STAU2: variants seen among roughly 807,000 people sequenced by gnomAD.
STAU2 encodes the protein staufen double-stranded RNA binding protein 2.
A neutral mutation model predicts 65.9 loss-of-function variants in STAU2; 20 were observed. That is an observed-to-expected ratio of 0.30 (90% CI 0.21 to 0.44). The LOEUF (loss-of-function observed/expected upper bound fraction) is 0.44, where lower values mean the gene tolerates loss of function less well. STAU2 is among the 20% of genes least tolerant of loss of function. The probability of loss-of-function intolerance (pLI) is 1.00; values close to 1 mark genes in which losing one functional copy is unlikely to be tolerated. For synonymous variants in STAU2, 232 were observed against 233.9 expected, an observed-to-expected ratio of 0.99 and a Z score of 0.07; for missense variants, 558 against 683.9, an observed-to-expected ratio of 0.82 and a Z score of 2.05.
At chr8:73,547,908 T>TG (rs950653885) in intron 13 of STAU2, among the ~76,000 whole-genome samples, 12 of 152,026 alleles carry the variant, frequency 7.9e-5, no homozygotes, top group Middle Eastern at 3.4e-3. Flanking sequence ...AAAAAAGAAT[T>TG]GAAAAAAAAC....
At chr8:73,725,320 G>T (rs2130725985) in intron 3 of STAU2, among the ~76,000 whole-genome samples, 1 of 152,232 alleles carries the variant, frequency 6.6e-6, no homozygotes, top group South Asian at 2.1e-4. Context: ...TATAGGAATT[G>T]TTCTAAAACA....
chr8:73,572,594 C>T (rs1809188863), intron 12 of STAU2, among the ~76,000 whole-genome samples: 2 of 152,284 alleles, frequency 1.3e-5, no homozygotes, highest in Admixed American at 1.3e-4. Context: ...GCTGGTTCAA[C>T]AAATGCAAAT....
At chr8:73,479,077 A>T (rs1031613644) in intron 13 of STAU2, among the ~76,000 whole-genome samples, 9 of 152,034 alleles carry the variant, frequency 5.9e-5, no homozygotes, top group African/African-American at 2.2e-4. Flanking sequence ...ATTCTGTTTC[A>T]TCTATACCTT....
chr8:73,436,804 C>G (rs1203427567), intron 13 of STAU2, among the ~76,000 whole-genome samples: 1 of 151,960 alleles, frequency 6.6e-6, no homozygotes, highest in Non-Finnish European at 1.5e-5. Context: ...CCGGGCTGGT[C>G]TCAAACTCCT....
chr8:73,716,164 C>A (rs1385759909), intron 3 of STAU2, among the ~76,000 whole-genome samples: 1 of 151,710 alleles, frequency 6.6e-6, no homozygotes, highest in African/African-American at 2.4e-5. Flanking sequence ...TCTTGGCTCA[C>A]TGCAAGCTCC....
At chr8:73,693,433 C>A (rs1819493861) in intron 4 of STAU2, among the ~76,000 whole-genome samples, 1 of 150,332 alleles carries the variant, frequency 6.7e-6, no homozygotes, top group Non-Finnish European at 1.5e-5. Context: ...CAAGACAGCG[C>A]CACTGCAGTC....
At chr8:73,468,483 C>T (rs1214605125) in intron 13 of STAU2, among the ~76,000 whole-genome samples, 1 of 152,144 alleles carries the variant, frequency 6.6e-6, no homozygotes, top group Non-Finnish European at 1.5e-5. Flanking sequence ...AGAGCTTCTG[C>T]ACAGCAAAAG....
At chr8:73,746,757 C>T (rs903787427) in intron 1 of STAU2, 26 bp downstream of exon 1, 1 of 1,215,170 alleles carries the variant, frequency 8.2e-7, no homozygotes, top group Non-Finnish European at 1.0e-6. Context: ...CGGGGTCTCC[C>T]GGACGCCCCC....
chr8:73,611,230 T>C (rs1258772807), intron 9 of STAU2, among the ~76,000 whole-genome samples: 1 of 152,240 alleles, frequency 6.6e-6, no homozygotes, highest in Non-Finnish European at 1.5e-5. Context: ...TAAAATTATC[T>C]AGATTCCAAC....
intron 13 of STAU2, chr8:73,440,613 C>G (rs1453483757): frequency 2.0e-5 from 3 of 152,292 alleles, no homozygotes; most frequent in East Asian, 1.9e-4. Context: ...CTGTCAGTCT[C>G]TCCCAGAGAC....
chr8:73,433,083 G>A (rs1272355985), intron 13 of STAU2, among the ~76,000 whole-genome samples: 1 of 152,210 alleles, frequency 6.6e-6, no homozygotes, highest in Non-Finnish European at 1.5e-5. Flanking sequence ...AGGAGTAACT[G>A]CACAGAATGT....
At chr8:73,728,590 T>C (rs932726182) in intron 3 of STAU2, among the ~76,000 whole-genome samples, 5 of 152,224 alleles carry the variant, frequency 3.3e-5, no homozygotes, top group African/African-American at 1.2e-4. Flanking sequence ...AAAATGTCTT[T>C]CCACTTATTT....
chr8:73,426,064 A>G, intron 13 of STAU2, among the ~76,000 whole-genome samples: 1 of 152,168 alleles, frequency 6.6e-6, no homozygotes, highest in African/African-American at 2.4e-5. Flanking sequence ...AAGTATTGGG[A>G]TTACAGGCAT....
chr8:73,430,718 C>A (rs1817206739), intron 13 of STAU2, among the ~76,000 whole-genome samples: 1 of 152,200 alleles, frequency 6.6e-6, no homozygotes, highest in Admixed American at 6.5e-5. Flanking sequence ...TACATACCTC[C>A]AAACCTGTTC....
chr8:73,746,925 C>G (rs1807334869), upstream of STAU2: 1 of 961,922 alleles, frequency 1.0e-6, no homozygotes, highest in Non-Finnish European at 1.2e-6. Context: ...CCCCGGCGCT[C>G]CCGCCGCGCC....
intron 10 of STAU2, among the ~76,000 whole-genome samples, chr8:73,601,176 C>A (rs1811607332): frequency 1.3e-5 from 2 of 152,144 alleles, no homozygotes; most frequent in Admixed American, 1.3e-4. Context: ...TCACATGAAT[C>A]AAATCCTCAA....
intron 6 of STAU2, among the ~76,000 whole-genome samples, chr8:73,659,398 A>T (rs938951503): frequency 3.3e-5 from 5 of 152,130 alleles, no homozygotes; most frequent in African/African-American, 9.7e-5. Context: ...TTAGCCTGGC[A>T]TGGTGGCACA....
intron 2 of STAU2, among the ~76,000 whole-genome samples, chr8:73,739,143 G>A (rs1219413128): frequency 5.4e-5 from 8 of 147,680 alleles, no homozygotes; most frequent in Non-Finnish European, 1.0e-4. Flanking sequence ...TGAGGCAGGA[G>A]AATTGCTTGA....
At chr8:73,505,305 T>C (rs1355148649) in intron 13 of STAU2, among the ~76,000 whole-genome samples, 4 of 152,012 alleles carry the variant, frequency 2.6e-5, no homozygotes, top group African/African-American at 9.7e-5. Context: ...CAGGATCAGT[T>C]TACTGGGCTG....
Sources: gnomAD v4.1 joint callset for allele counts (sites outside exome capture counted in the v4.1 genomes callset) on GRCh38, gnomAD v4.1.1 for gene constraint, MANE v1.5 for transcripts, NCBI Gene and HGNC (gene_info 2026-07-23, HGNC 2026-07-21) for gene names.